The following TMEM128 variants were observed in gnomAD, a reference collection of about 807,000 sequenced individuals.
TMEM128 encodes transmembrane protein 128.
A neutral mutation model predicts 19.7 loss-of-function variants in TMEM128; 16 were observed. The observed-to-expected ratio is 0.81, with a 90% CI of 0.55 to 1.23. The LOEUF (loss-of-function observed/expected upper bound fraction) is 1.23. Among genes scored for constraint, TMEM128 ranks in the 50% most tolerant of loss-of-function variants. TMEM128 has a pLI of 0.00. For synonymous variants in TMEM128, 98 were observed against 75.8 expected (o/e 1.29, Z -1.52); for missense variants, 237 against 200.8 (o/e 1.18, Z -1.09).
At chr4:4,247,708 C>T (rs887236998) in intron 1 of TMEM128, 55 of 1,597,014 alleles carry the variant, frequency 3.4e-5, no homozygotes, top group Middle Eastern at 1.7e-4. Context: ...ATACATATAC[C>T]CAAATTTACT....
chr4:4,246,447 C>T, intron 1 of TMEM128, 104 bp from the exon 2 acceptor site: 4 of 1,177,570 alleles, frequency 3.4e-6, no homozygotes, highest in South Asian at 3.3e-5. Flanking sequence ...GAAACAGTCT[C>T]TCCCATGATA....
chr4:4,241,934 G>C (rs1278954033), intron 2 of TMEM128, among the ~76,000 whole-genome samples: 3 of 152,038 alleles, frequency 2.0e-5, no homozygotes, highest in Non-Finnish European at 4.4e-5. Context: ...CCGGAGTCTT[G>C]CTCTGTTGCC....
chr4:4,241,372 G>GTGACC (rs1409614507), intron 2 of TMEM128, among the ~76,000 whole-genome samples: 1 of 152,102 alleles, frequency 6.6e-6, no homozygotes. Flanking sequence ...AATTCCACCT[G>GTGACC]TGACCTGATT....
intron 2 of TMEM128, among the ~76,000 whole-genome samples, chr4:4,243,909 T>G (rs1326855455): frequency 6.6e-6 from 1 of 152,122 alleles, no homozygotes; most frequent in Admixed American, 6.5e-5. Context: ...ATACAGAAGT[T>G]CTCTCACATC....
At chr4:4,246,005 C>A (rs1040532364) in intron 2 of TMEM128, among the ~76,000 whole-genome samples, 197 bp downstream of exon 2, 1 of 152,106 alleles carries the variant, frequency 6.6e-6, no homozygotes, top group Admixed American at 6.6e-5. Context: ...CATTAGATCT[C>A]CAGACCTTAT....
intron 3 of TMEM128, among the ~76,000 whole-genome samples, chr4:4,238,213 T>G (rs1717804251): frequency 6.6e-6 from 1 of 152,240 alleles, no homozygotes; most frequent in Non-Finnish European, 1.5e-5. Context: ...AACTGAAGTC[T>G]CTTAGTTTCT....
At chr4:4,245,924 C>G (rs1456007631) in intron 2 of TMEM128, among the ~76,000 whole-genome samples, 1 of 152,142 alleles carries the variant, frequency 6.6e-6, no homozygotes, top group Non-Finnish European at 1.5e-5. Context: ...GGGGAGGACA[C>G]AAGACCTACT....
chr4:4,244,827 A>T (rs1718102739), intron 2 of TMEM128, among the ~76,000 whole-genome samples: 1 of 152,204 alleles, frequency 6.6e-6, no homozygotes, highest in Admixed American at 6.5e-5. Context: ...CCAGTTCTTC[A>T]TCACACACTC....
rs1426334369 is a variant in TMEM128, at chr4:4,239,262, T to C, written c.398+1059A>G. Among the ~76,000 whole-genome samples, 6 of 152,348 alleles carry C rather than the reference T, an allele frequency of 3.9e-5. No individual in the cohort carries two copies. The East Asian group carries it at 1.2e-3, about 29-fold the overall frequency. Reference sequence around the variant, plus strand: ...TTTAATTAACTTATGAAGAAGGTTATTCATTGTGGCATTGTTTGGGTATAA... The same window carrying C: ...TTTAATTAACTTATGAAGAAGGTTACTCATTGTGGCATTGTTTGGGTATAA... On this transcript the variant is annotated intron_variant, in intron 3 of 4. Transcript: ENST00000382753.
intron 2 of TMEM128, among the ~76,000 whole-genome samples, chr4:4,245,970 A>G (rs1400468286): frequency 6.6e-6 from 1 of 152,168 alleles, no homozygotes. Flanking sequence ...CAGCCTTATT[A>G]ACTATAGTCA....
chr4:4,243,263 T>C (rs1718034739), intron 2 of TMEM128, among the ~76,000 whole-genome samples: 1 of 152,050 alleles, frequency 6.6e-6, no homozygotes, highest in South Asian at 2.1e-4. Context: ...TTTGTATTTT[T>C]AGTAGAGACG....
At chr4:4,243,437 T>A (rs1718042901) in intron 2 of TMEM128, among the ~76,000 whole-genome samples, 1 of 152,188 alleles carries the variant, frequency 6.6e-6, no homozygotes, top group South Asian at 2.1e-4. Context: ...TAAAGAACCT[T>A]AAGGCCTCAA....
Position 4,240,393 on chromosome 4 carries a change from A to G in TMEM128, c.326T>C (p.Ile109Thr), listed in dbSNP as rs1717903647. 1.9e-6 allele frequency: 3 copies of G among 1,614,170 alleles called. No homozygotes were observed. The highest frequency in any genetic ancestry group is 1.6e-4 in the Middle Eastern group (1 of 6,062). ...CIVYLEWYCGIGEYDVKYPAL... is the reference protein window; with the variant it reads ...CIVYLEWYCGTGEYDVKYPAL... ...TGGATACTTGACATCATATTCTCCA[A>G]TTCCACAATACCATTCCAGGTAGAC... The change falls in exon 3 of 5, where the codon ATT becomes ACT. Residue 109 changes from isoleucine to threonine, a missense_variant. Ile to Thr is a moderately conservative substitution (Grantham distance 89). Transcript: ENST00000382753.
Position 4,242,030 on chromosome 4 carries a change from T to A in TMEM128, c.240-1551A>T, listed in dbSNP as rs142272029. On this transcript the variant is annotated intron_variant, in intron 2 of 4. Coordinates refer to ENST00000382753, the MANE Select transcript of TMEM128 (RefSeq NM_001297551.2). ...AATTCTCCTGCCTCAGCCTCCCAAGTAGCTGGAATTACAGGCACTGGCCAC... is the reference window on the plus strand; with the variant it reads ...AATTCTCCTGCCTCAGCCTCCCAAGAAGCTGGAATTACAGGCACTGGCCAC... Among the ~76,000 whole-genome samples the A allele has an allele frequency of 5.0e-3, 755 of 152,244 alleles. 5 individuals carry two copies. The highest frequency in any genetic ancestry group is 0.017 in the African/African-American group (715 of 41,554).
chr4:4,237,196 G>C (rs1340897912), intron 4 of TMEM128: 1 of 406,204 alleles, frequency 2.5e-6, no homozygotes, highest in Non-Finnish European at 4.9e-6. Context: ...TTCCCAATTA[G>C]GTAAAATTGT....
At chr4:4,237,713 C>G (rs1717780873) in intron 4 of TMEM128, 114 bp downstream of exon 4, 1 of 641,472 alleles carries the variant, frequency 1.6e-6, no homozygotes, top group Admixed American at 2.4e-5. Context: ...CTGGTGTAAA[C>G]ATGACTGAAA....
Position 4,247,638 on chromosome 4 carries a change from C to T in TMEM128, c.97+468G>A, listed in dbSNP as rs146805111. ...CAAATGGCGGCATACCATAGTGTTCCACACTTCCCTTTGAAAATCATCCCC... is the reference window on the plus strand; with the variant it reads ...CAAATGGCGGCATACCATAGTGTTCTACACTTCCCTTTGAAAATCATCCCC... On this transcript the variant is annotated intron_variant, in intron 1 of 4. Transcript: ENST00000382753. The T allele has an allele frequency of 2.4e-3, 3,903 of 1,614,178 alleles. 9 individuals are homozygous for T. Among genetic ancestry groups the T allele is most frequent in the South Asian group, 3.4e-3 (309 of 91,082 alleles).
rs898900933 is a variant in TMEM128 at position 4,247,755 on chromosome 4, C to A, written c.97+351G>T. 24 of 1,540,840 alleles carry A rather than the reference C, an allele frequency of 1.6e-5. No individual in the cohort carries two copies. The Admixed American group carries it at 4.4e-4, about 28-fold the overall frequency. On this transcript the variant is annotated intron_variant, in intron 1 of 4. Transcript: ENST00000382753. ...CTGCTGACGGGCAAGGCAGATATTT[C>A]CAGTAATTCGCTATTACAAGCAATC... is the stretch of plus-strand genomic sequence containing the variant.
chr4:4,244,505 A>G (rs1200341149), intron 2 of TMEM128, among the ~76,000 whole-genome samples: 1 of 152,126 alleles, frequency 6.6e-6, no homozygotes, highest in African/African-American at 2.4e-5. Context: ...TAAAGTATCC[A>G]TCCCTCTTTT....
Sources: allele counts gnomAD v4.1 joint callset (sites outside exome capture counted in the v4.1 genomes callset), GRCh38; gene constraint gnomAD v4.1.1; transcripts MANE v1.5; gene names NCBI Gene and HGNC (gene_info 2026-07-23, HGNC 2026-07-21).